Variants in DLGAP2 observed in about 807,000 individuals in gnomAD.
DLGAP2 encodes the protein disks large-associated protein 2.
DLGAP2 carries 26 observed loss-of-function variants against 100.3 expected under a neutral mutation model. The observed-to-expected ratio is 0.26, with a 90% CI of 0.19 to 0.36. The LOEUF is 0.36. DLGAP2 is among the 10% of genes least tolerant of loss of function. The pLI is 1.00. For missense variants in DLGAP2, 1,858 were observed against 1,453.2 expected (o/e 1.28, Z -4.53); for synonymous variants, 886 against 630.1 (o/e 1.41, Z -6.08).
chr8:1,567,212 A>C (rs899821792), intron 6 of DLGAP2, among the ~76,000 whole-genome samples: 1 of 152,244 alleles, frequency 6.6e-6, no homozygotes, highest in Non-Finnish European at 1.5e-5. Context: ...CCAGCAGGAA[A>C]GTGAAGGATT....
chr8:1,501,836 C>A (rs968840807), intron 4 of DLGAP2, among the ~76,000 whole-genome samples: 1 of 152,214 alleles, frequency 6.6e-6, no homozygotes, highest in African/African-American at 2.4e-5. Context: ...GCCCCACACA[C>A]TGGGGTCTGG....
chr8:1,436,651 C>A (rs1465021225), intron 3 of DLGAP2, among the ~76,000 whole-genome samples: 3 of 152,080 alleles, frequency 2.0e-5, no homozygotes, highest in African/African-American at 7.2e-5. Context: ...GAATGTAGCC[C>A]AAGTTTGCAG....
At chr8:1,603,082 T>C (rs747025398) in intron 6 of DLGAP2, among the ~76,000 whole-genome samples, 2 of 151,836 alleles carry the variant, frequency 1.3e-5, no homozygotes, top group Non-Finnish European at 2.9e-5. Flanking sequence ...AAGCTGGGTC[T>C]CAGTTCTGCA....
intron 4 of DLGAP2, among the ~76,000 whole-genome samples, chr8:1,512,259 A>G (rs937729370): frequency 2.0e-5 from 3 of 152,256 alleles, no homozygotes; most frequent in African/African-American, 7.2e-5. Flanking sequence ...TTTCAAAGAA[A>G]CAAATGTCCC....
intron 3 of DLGAP2, among the ~76,000 whole-genome samples, chr8:1,453,787 T>A (rs911289928): frequency 2.0e-5 from 3 of 152,182 alleles, no homozygotes; most frequent in Admixed American, 2.0e-4. Context: ...TTCAACATAC[T>A]CCCAACCCAT....
chr8:1,571,778 G>A (rs1309825373), intron 6 of DLGAP2, among the ~76,000 whole-genome samples: 1 of 141,024 alleles, frequency 7.1e-6, no homozygotes, highest in African/African-American at 2.8e-5. Flanking sequence ...CTTCTGGGAT[G>A]GAGAGGAGAC....
intron 4 of DLGAP2, among the ~76,000 whole-genome samples, chr8:1,517,465 C>A (rs1226716410): frequency 2.0e-5 from 3 of 152,162 alleles, no homozygotes; most frequent in Non-Finnish European, 4.4e-5. Flanking sequence ...CCCTGCTCCA[C>A]TGAGAGCCTC....
chr8:1,410,081 C>G (rs1796685305), intron 3 of DLGAP2, among the ~76,000 whole-genome samples: 1 of 152,182 alleles, frequency 6.6e-6, no homozygotes. Flanking sequence ...GGTCCACAAG[C>G]CAAGCGGTGT....
intron 2 of DLGAP2, among the ~76,000 whole-genome samples, chr8:970,807 T>C (rs956205368): frequency 8.5e-5 from 13 of 152,214 alleles, no homozygotes; most frequent in African/African-American, 3.1e-4. Context: ...GACCTTGATT[T>C]TAGCCTTAAT....
At chr8:741,838 G>A (rs1411394646) in intron 1 of DLGAP2, among the ~76,000 whole-genome samples, 4 of 152,194 alleles carry the variant, frequency 2.6e-5, no homozygotes, top group East Asian at 3.9e-4. Context: ...AGTGAAGAGC[G>A]GGAACTTTCA....
chr8:1,363,859 G>T (rs561060283), intron 3 of DLGAP2, among the ~76,000 whole-genome samples: 1 of 152,066 alleles, frequency 6.6e-6, no homozygotes, highest in Admixed American at 6.5e-5. Flanking sequence ...GGCCTGCCAC[G>T]TCTCTGGGAG....
At chr8:1,694,820 G>T (rs143378082) in intron 13 of DLGAP2, among the ~76,000 whole-genome samples, 1,825 of 152,168 alleles carry the variant, frequency 0.012, 18 homozygotes, top group South Asian at 0.02. Context: ...GCATGAGTTT[G>T]CTGGGGGAAA....
chr8:1,377,371 C>T (rs1240718706), intron 3 of DLGAP2, among the ~76,000 whole-genome samples: 1 of 152,138 alleles, frequency 6.6e-6, no homozygotes, highest in Non-Finnish European at 1.5e-5. Flanking sequence ...GGTGAAACCC[C>T]GTCTCTACAG....
intron 3 of DLGAP2, among the ~76,000 whole-genome samples, chr8:1,453,736 G>C (rs1798227653): frequency 6.6e-6 from 1 of 152,188 alleles, no homozygotes; most frequent in Non-Finnish European, 1.5e-5. Flanking sequence ...GTATGCACTT[G>C]CCTATTAGAA....
At chr8:803,275 G>T (rs914046520) in intron 1 of DLGAP2, among the ~76,000 whole-genome samples, 1 of 152,080 alleles carries the variant, frequency 6.6e-6, no homozygotes, top group South Asian at 2.1e-4. Flanking sequence ...TGGAGCTCAC[G>T]CCCCATTTTA....
intron 1 of DLGAP2, among the ~76,000 whole-genome samples, chr8:820,569 C>G (rs1796565251): frequency 6.6e-6 from 1 of 152,168 alleles, no homozygotes; most frequent in Non-Finnish European, 1.5e-5. Flanking sequence ...ATTAAAAGGT[C>G]CCCAGACTCT....
intron 3 of DLGAP2, among the ~76,000 whole-genome samples, chr8:1,429,641 T>G (rs548574482): frequency 1.2e-4 from 18 of 151,952 alleles, no homozygotes; most frequent in African/African-American, 4.3e-4. Context: ...GAGAAATATG[T>G]TCCACTGCCC....
chr8:919,630 G>A (rs536283250), intron 2 of DLGAP2, among the ~76,000 whole-genome samples: 40 of 152,326 alleles, frequency 2.6e-4, no homozygotes, highest in Admixed American at 1.5e-3. Flanking sequence ...ATGGGGCCCC[G>A]GTGTGCCCGG....
chr8:1,505,420 C>T (rs1284405234), intron 4 of DLGAP2, among the ~76,000 whole-genome samples: 2 of 152,174 alleles, frequency 1.3e-5, no homozygotes, highest in African/African-American at 4.8e-5. Flanking sequence ...TTCAAAAGCT[C>T]CAAGGAAAGC....
Sources: gnomAD v4.1 joint callset for allele counts (sites outside exome capture counted in the v4.1 genomes callset) on GRCh38, gnomAD v4.1.1 for gene constraint, MANE v1.5 for transcripts, NCBI Gene and HGNC (gene_info 2026-07-23, HGNC 2026-07-21) for gene names.